ATP1A1: variants seen among roughly 807,000 people sequenced by gnomAD.
ATP1A1 encodes ATPase Na+/K+ transporting subunit alpha 1, also known as sodium/potassium-transporting ATPase subunit alpha-1.
In ATP1A1, 14 loss-of-function variants were observed where a neutral mutation model predicts 114.8. The observed-to-expected ratio is 0.12, with a 90% CI of 0.08 to 0.19. The LOEUF (loss-of-function observed/expected upper bound fraction) is 0.19. Ranked by LOEUF, ATP1A1 falls within the 10% of genes least tolerant of loss-of-function variation. The pLI is 1.00. For synonymous variants in ATP1A1, 471 were observed against 466.3 expected, an observed-to-expected ratio of 1.01 and a Z score of -0.13; for missense variants, 524 against 1,290.7, an observed-to-expected ratio of 0.41 and a Z score of 9.10.
At position 116,399,201 on chromosome 1, in the gene ATP1A1, C is replaced by T. The variant is rs1653218187; in HGVS notation, c.2448+117C>T. 1.4e-6 allele frequency: 2 copies of T among 1,471,794 alleles called. No individual in the cohort carries two copies. Among genetic ancestry groups the T allele is most frequent in the Non-Finnish European group, 1.9e-6 (2 of 1,071,850 alleles). 91.2% of individuals were successfully genotyped at this position (1,471,794 alleles called of 1,614,324 possible). On this transcript the variant is annotated intron_variant, in intron 17 of 22. Coordinates refer to ENST00000295598, the MANE Select transcript of ATP1A1 (RefSeq NM_000701.8). This position sits in a 1 kb window ranked among gnomAD's most constrained non-coding sequence, Gnocchi z 5.0. ...GCGTTGGGAAAAGAAATTCTCAGGA[C>T]CAGTATCCAGTGTGTGTCCCAATCC... is the stretch of plus-strand genomic sequence containing the variant.
chr1:116,391,969 T>C (rs1273456382), intron 10 of ATP1A1, among the ~76,000 whole-genome samples: 1 of 152,208 alleles, frequency 6.6e-6, no homozygotes. Context: ...AAAAATGGCT[T>C]TTATTAAAAT....
chr1:116,397,859 C>G lies in ATP1A1; in HGVS notation c.1974-29C>G. The G allele has an allele frequency of 6.8e-7, 1 of 1,467,004 alleles. No individual in the cohort carries two copies. Among genetic ancestry groups the G allele is most frequent in the Admixed American group, 2.0e-5 (1 of 50,416 alleles). 90.9% of individuals were successfully genotyped at this position (1,467,004 alleles called of 1,614,324 possible). A position where few individuals can be genotyped will look rare whatever the true frequency, so the allele number is the denominator to read the frequency against. On this transcript the variant is annotated intron_variant, in intron 14 of 22. Transcript: ENST00000295598. The surrounding 1 kb of genome is among the most constrained non-coding windows in gnomAD (Gnocchi z 4.2). ...CACATGCTGGTGATGTGATGCGTGA[C>G]TTTTTTTTTTTTTTTGTCCTAATTC...
chr1:116,373,549 G>A, intron 1 of ATP1A1, 26 bp downstream of exon 1: 1 of 1,439,914 alleles, frequency 6.9e-7, no homozygotes, highest in Non-Finnish European at 9.1e-7. Context: ...GCCCGGGGAG[G>A]GGGCTCGGGG....
At chr1:116,383,460 C>T (rs1027936420) in intron 1 of ATP1A1, 2 of 722,012 alleles carry the variant, frequency 2.8e-6, no homozygotes, top group Non-Finnish European at 3.4e-6. Flanking sequence ...TCCTTAAAAA[C>T]ATGAAATGAG....
chr1:116,374,729 G>C (rs1009559343), intron 1 of ATP1A1, among the ~76,000 whole-genome samples: 4 of 152,176 alleles, frequency 2.6e-5, no homozygotes, highest in African/African-American at 9.7e-5. Context: ...AATACAAATG[G>C]GAGAGAATCC....
intron 1 of ATP1A1, among the ~76,000 whole-genome samples, chr1:116,377,901 G>A (rs1263115789): frequency 6.6e-6 from 1 of 152,230 alleles, no homozygotes; most frequent in African/African-American, 2.4e-5. Flanking sequence ...ATGTGCAGTA[G>A]AGAGAACTGT....
Position 116,393,824 on chromosome 1 carries a change from G to T in ATP1A1, c.1660+101G>T. On this transcript the variant is annotated intron_variant, in intron 12 of 22. Transcript: ENST00000295598. The surrounding 1 kb of genome is among the most constrained non-coding windows in gnomAD (Gnocchi z 5.0). ...GTGATCCTATGAACCTCTATGTCTT[G>T]TTGACCTTCCTCTACATCTTTTAGG... The T allele has an allele frequency of 8.4e-7, 1 of 1,188,676 alleles. No individual in the cohort carries two copies. Among genetic ancestry groups the T allele is most frequent in the East Asian group, 2.6e-5 (1 of 38,488 alleles). The allele number at this position is 1,188,676 out of a possible 1,614,324, so 73.6% of individuals were successfully genotyped here. A position where few individuals can be genotyped will look rare whatever the true frequency, so the allele number is the denominator to read the frequency against.
Position 116,390,113 on chromosome 1 carries a change from T to G in ATP1A1, c.1024-100T>G, listed in dbSNP as rs56016633. ...AACTTCAGAAGAAGGTTGGAGAGAT[T>G]TAATTTTAGACAAATTTCTTCCACA... On this transcript the variant is annotated intron_variant, in intron 8 of 22. Transcript: ENST00000295598. 0.038 allele frequency: 47,480 copies of G among 1,247,626 alleles called. 2,533 individuals are homozygous for G. Among genetic ancestry groups the G allele is most frequent in the African/African-American group, 0.24 (16,164 of 66,228 alleles). The allele number at this position is 1,247,626 out of a possible 1,614,324, so 77.3% of individuals were successfully genotyped here. A position where few individuals can be genotyped will look rare whatever the true frequency, so the allele number is the denominator to read the frequency against.
At chr1:116,375,324 C>A (rs1318793571) in intron 1 of ATP1A1, among the ~76,000 whole-genome samples, 1 of 152,168 alleles carries the variant, frequency 6.6e-6, no homozygotes, top group Non-Finnish European at 1.5e-5. Context: ...ACATTGAGTT[C>A]TTTATACAGA....
Position 116,387,593 on chromosome 1 carries a change from TA to T in ATP1A1, c.387+103del, listed in dbSNP as rs1652185049. The T allele has an allele frequency of 8.0e-7, 1 of 1,253,270 alleles. No individual in the cohort carries two copies. Among genetic ancestry groups the T allele is most frequent in the African/African-American group, 1.5e-5 (1 of 66,672 alleles). The allele number at this position is 1,253,270 out of a possible 1,614,324, so 77.6% of individuals were successfully genotyped here. ...CAATTACCACTCATTACTTAATGGTTATGAACTCATTACTTAATGGTTATGA... is the reference window on the plus strand; with the variant it reads ...CAATTACCACTCATTACTTAATGGTTTGAACTCATTACTTAATGGTTATGA... On this transcript the variant is annotated intron_variant, in intron 4 of 22. Coordinates refer to ENST00000295598, the MANE Select transcript of ATP1A1 (RefSeq NM_000701.8). The surrounding 1 kb of genome is among the most constrained non-coding windows in gnomAD (Gnocchi z 6.7).
In ATP1A1 at chr1:116,398,533, A is replaced by G. The variant is rs1570974279; in HGVS notation, c.2125-88A>G. 7 of 1,482,878 alleles carry G rather than the reference A, an allele frequency of 4.7e-6. No homozygotes were observed. In the East Asian group the frequency reaches 1.4e-4, roughly 29 times the overall value. 91.9% of individuals were successfully genotyped at this position (1,482,878 alleles called of 1,614,324 possible). A position where few individuals can be genotyped will look rare whatever the true frequency, so the allele number is the denominator to read the frequency against. On this transcript the variant is annotated intron_variant, in intron 15 of 22. Transcript: ENST00000295598. This position sits in a 1 kb window ranked among gnomAD's most constrained non-coding sequence, Gnocchi z 6.1. ...CAATAGGAAAGGAGCAGTGTCTGTA[A>G]TGAGTGCTCAGTGGGGGCATGCATC...
rs1199290609 is a variant in ATP1A1, at chr1:116,399,412, C to G, written c.2449-8C>G. ...GTAACTAAATTCCTTCTCCCCACCC[C>G]TTCCCAGGTTCCTGCCATCTCCCTG... On this transcript the variant is annotated splice_polypyrimidine_tract_variant and splice_region_variant and intron_variant, in intron 17 of 22. Transcript: ENST00000295598. The surrounding 1 kb of genome is among the most constrained non-coding windows in gnomAD (Gnocchi z 5.0). 1 of 1,613,756 alleles carries G rather than the reference C, an allele frequency of 6.2e-7. No homozygotes were observed. The highest frequency in any genetic ancestry group is 8.5e-7 in the Non-Finnish European group (1 of 1,179,894).
rs529315362 is a variant in ATP1A1, at chr1:116,395,708, T to C, written c.1836+423T>C. Among the ~76,000 whole-genome samples the C allele has an allele frequency of 5.9e-5, 9 of 152,298 alleles. 1 individual carries two copies. The South Asian group carries it at 6.2e-4, about 11-fold the overall frequency. ...TGAATATTACTCAAGTGCACTAATA[T>C]CCTGTTGCTGGGTATTTGGTTTCTG... On this transcript the variant is annotated intron_variant, in intron 13 of 22. Coordinates refer to ENST00000295598, the MANE Select transcript of ATP1A1 (RefSeq NM_000701.8). The surrounding 1 kb of genome is among the most constrained non-coding windows in gnomAD (Gnocchi z 6.4).
chr1:116,388,518 GAAT>G lies in ATP1A1; in HGVS notation c.502-115_502-113del, dbSNP rs1652245202. ...TTGTAACTTGTGTAAATAAAAAAGT[GAAT>G]AATATCTTTGTTTTGTATTCAGGTA... On this transcript the variant is annotated intron_variant, in intron 5 of 22. Coordinates refer to ENST00000295598, the MANE Select transcript of ATP1A1 (RefSeq NM_000701.8). This position sits in a 1 kb window ranked among gnomAD's most constrained non-coding sequence, Gnocchi z 5.6. 2 of 1,373,228 alleles carry G rather than the reference GAAT, an allele frequency of 1.5e-6. No individual in the cohort carries two copies. The highest frequency in any genetic ancestry group is 4.7e-5 in the East Asian group (2 of 42,478). 85.1% of individuals were successfully genotyped at this position (1,373,228 alleles called of 1,614,324 possible).
In ATP1A1 at chr1:116,398,538, T is replaced by C; in HGVS notation, c.2125-83T>C. 1 of 1,502,534 alleles carries C rather than the reference T, an allele frequency of 6.7e-7. No individual in the cohort carries two copies. Among genetic ancestry groups the C allele is most frequent in the Non-Finnish European group, 9.0e-7 (1 of 1,105,094 alleles). 93.1% of individuals were successfully genotyped at this position (1,502,534 alleles called of 1,614,324 possible). A position where few individuals can be genotyped will look rare whatever the true frequency, so the allele number is the denominator to read the frequency against. On this transcript the variant is annotated intron_variant, in intron 15 of 22. Transcript: ENST00000295598. The surrounding 1 kb of genome is among the most constrained non-coding windows in gnomAD (Gnocchi z 6.1). ...GGAAAGGAGCAGTGTCTGTAATGAG[T>C]GCTCAGTGGGGGCATGCATCGCACT... is the stretch of plus-strand genomic sequence containing the variant.
In ATP1A1 at chr1:116,401,367, G is replaced by A; in HGVS notation, c.2849+107G>A. 2 of 1,563,540 alleles carry A rather than the reference G, an allele frequency of 1.3e-6. No homozygotes were observed. Among genetic ancestry groups the A allele is most frequent in the Non-Finnish European group, 1.7e-6 (2 of 1,149,298 alleles). ...TATGACACATATAGCCAGGTTTCTG[G>A]AATCTCTAGTTTATAGAGCAAATTT... is the stretch of plus-strand genomic sequence containing the variant. On this transcript the variant is annotated intron_variant, in intron 20 of 22. Coordinates refer to ENST00000295598, the MANE Select transcript of ATP1A1 (RefSeq NM_000701.8). This position sits in a 1 kb window ranked among gnomAD's most constrained non-coding sequence, Gnocchi z 4.7.
At chr1:116,386,613 G>A (rs1007584770) in intron 3 of ATP1A1, among the ~76,000 whole-genome samples, 2 of 152,064 alleles carry the variant, frequency 1.3e-5, no homozygotes, top group African/African-American at 2.4e-5. Context: ...CTTAATGAGA[G>A]CTTATATGTA....
At chr1:116,378,885 G>GA (rs1272629353) in intron 1 of ATP1A1, among the ~76,000 whole-genome samples, 1 of 152,184 alleles carries the variant, frequency 6.6e-6, no homozygotes, top group African/African-American at 2.4e-5. Flanking sequence ...GTGGTCAGCA[G>GA]AAAGGGGGAG....
intron 8 of ATP1A1, 157 bp from the exon 9 acceptor site, chr1:116,390,056 C>G: frequency 8.9e-6 from 7 of 788,840 alleles, no homozygotes; most frequent in Non-Finnish European, 1.0e-5. Context: ...AAGGGGAAGC[C>G]TCATGTATGG....
Sources: allele counts gnomAD v4.1 joint callset (sites outside exome capture counted in the v4.1 genomes callset), GRCh38; gene constraint gnomAD v4.1.1; non-coding constraint Gnocchi (gnomAD v3.1); transcripts MANE v1.5; gene names NCBI Gene and HGNC (gene_info 2026-07-23, HGNC 2026-07-21).